Variants in PPL observed in about 807,000 individuals in gnomAD.
PPL encodes the protein periplakin, also known as 190 kDa paraneoplastic pemphigus antigen.
In PPL, 198 loss-of-function variants were observed where a neutral mutation model predicts 194.4. That is an observed-to-expected ratio of 1.02 (90% CI 0.91 to 1.15). The LOEUF is 1.15. PPL is among the 50% of genes most tolerant of loss of function. The pLI is 0.00. For synonymous variants in PPL, 1,220 were observed against 972.4 expected, an observed-to-expected ratio of 1.25 and a Z score of -4.74; for missense variants, 2,885 against 2,294.8, an observed-to-expected ratio of 1.26 and a Z score of -5.25.
chr16:4,924,646 AAAC>A (rs1419920561), intron 1 of PPL, among the ~76,000 whole-genome samples: 5 of 152,022 alleles, frequency 3.3e-5, no homozygotes, highest in South Asian at 2.1e-4. Flanking sequence ...CCTGACTCCA[AAAC>A]AACCTGGGGC....
In PPL at chr16:4,883,990, G is replaced by A; in HGVS notation, c.4665C>T (p.Ser1555=). ...SELEFHNSKS[S]KELDFLREEN... ...CTTCCCTCAGAAAGTCTAGTTCCTT[G>A]GATGACTTGGAGTTATGGAATTCCA... Residue 1555 remains serine, a synonymous_variant, in exon 22 of 22, where the codon TCC becomes TCT. Transcript: ENST00000345988. The surrounding 1 kb of genome is among the most constrained non-coding windows in gnomAD (Gnocchi z 4.8). 1 of 1,614,048 alleles carries A rather than the reference G, an allele frequency of 6.2e-7. No individual in the cohort carries two copies. Among genetic ancestry groups the A allele is most frequent in the Non-Finnish European group, 8.5e-7 (1 of 1,180,024 alleles).
At chr16:4,897,614 C>A (rs896375925) in intron 9 of PPL, 61 bp downstream of exon 9, 24 of 1,369,446 alleles carry the variant, frequency 1.8e-5, no homozygotes, top group Non-Finnish European at 2.4e-5. Context: ...CAGGTAGGCA[C>A]TGAGCGCTCT....
intron 14 of PPL, among the ~76,000 whole-genome samples, chr16:4,892,418 G>A (rs1415347427): frequency 6.6e-6 from 1 of 152,246 alleles, no homozygotes; most frequent in Non-Finnish European, 1.5e-5. Context: ...CCGCTGAGGT[G>A]GAATGGACTA....
intron 20 of PPL, among the ~76,000 whole-genome samples, 156 bp downstream of exon 20, chr16:4,887,946 A>G (rs1056438617): frequency 1.4e-4 from 22 of 152,032 alleles, no homozygotes; most frequent in African/African-American, 5.3e-4. Flanking sequence ...CAAGTTCCTC[A>G]TCTCTTACCA....
chr16:4,883,324 G>A lies in PPL; in HGVS notation c.*60C>T. 2 of 1,603,038 alleles carry A rather than the reference G, an allele frequency of 1.2e-6. No homozygotes were observed. Among genetic ancestry groups the A allele is most frequent in the Non-Finnish European group, 1.7e-6 (2 of 1,177,470 alleles). ...CAAGGGAGAGGACGACACCAAGGAG[G>A]TCACTGCGTCGTAGGAGAGGGCCAG... On this transcript the variant is annotated 3_prime_UTR_variant, in exon 22 of 22. Coordinates refer to ENST00000345988, the MANE Select transcript of PPL (RefSeq NM_002705.5). This position sits in a 1 kb window ranked among gnomAD's most constrained non-coding sequence, Gnocchi z 4.8.
At chr16:4,900,798 C>T in intron 6 of PPL, 32 bp downstream of exon 6, 2 of 1,613,998 alleles carry the variant, frequency 1.2e-6, no homozygotes, top group Non-Finnish European at 1.7e-6. Flanking sequence ...TCTCCTCTCC[C>T]CATGAGGCCT....
chr16:4,907,091 A>G (rs1465703383), intron 2 of PPL, among the ~76,000 whole-genome samples: 1 of 150,510 alleles, frequency 6.6e-6, no homozygotes, highest in East Asian at 1.9e-4. Flanking sequence ...AAAAAAAAAA[A>G]AAAAAAAAAA....
Position 4,919,612 on chromosome 16 carries a change from G to A in PPL, c.63-8663C>T, listed in dbSNP as rs541853358. Among the ~76,000 whole-genome samples the A allele has an allele frequency of 1.6e-4, 24 of 152,172 alleles. 1 individual carries two copies. In the South Asian group the frequency reaches 4.1e-3, roughly 26 times the overall value. On this transcript the variant is annotated intron_variant, in intron 1 of 21. Transcript: ENST00000345988. Reference sequence around the variant, plus strand: ...CTCAGTTTCATCATCTGTGAAATGTGAGCAAGAAATCCTCTCTAGTTATGT... The same window carrying A: ...CTCAGTTTCATCATCTGTGAAATGTAAGCAAGAAATCCTCTCTAGTTATGT...
chr16:4,928,523 G>A (rs2089187776), intron 1 of PPL, among the ~76,000 whole-genome samples: 1 of 152,262 alleles, frequency 6.6e-6, no homozygotes, highest in Non-Finnish European at 1.5e-5. Flanking sequence ...AGGGCTGTGG[G>A]AGAAATAGAA....
At chr16:4,923,554 G>C (rs566538438) in intron 1 of PPL, among the ~76,000 whole-genome samples, 7 of 152,340 alleles carry the variant, frequency 4.6e-5, no homozygotes, top group Non-Finnish European at 8.8e-5. Flanking sequence ...GTCTTCAGCT[G>C]TACCTGTTCA....
At chr16:4,907,308 TCACACACACACACA>T (rs56210938) in intron 2 of PPL, among the ~76,000 whole-genome samples, 82,577 of 145,662 alleles carry the variant, frequency 0.57, 26,222 homozygotes, top group East Asian at 0.7. Context: ...ATATCTAATC[TCACACACACACACA>T]CACACACACA....
intron 16 of PPL, chr16:4,891,582 C>G (rs1172893625): frequency 1.9e-6 from 1 of 518,530 alleles, no homozygotes; most frequent in Non-Finnish European, 3.4e-6. Context: ...CTGGCTATTG[C>G]AGATATTTGA....
chr16:4,904,190 C>G (rs1029319660), intron 2 of PPL, 150 bp from the exon 3 acceptor site: 2 of 815,776 alleles, frequency 2.5e-6, no homozygotes, highest in African/African-American at 3.4e-5. Flanking sequence ...GGAGCGCAGT[C>G]GGTAGTTCCA....
chr16:4,936,818 A>G (rs1368755025), intron 1 of PPL, among the ~76,000 whole-genome samples, 166 bp downstream of exon 1: 1 of 152,044 alleles, frequency 6.6e-6, no homozygotes, highest in Non-Finnish European at 1.5e-5. Context: ...TCCCAGCTTC[A>G]GGGTGGCCTC....
At chr16:4,933,362 C>A (rs2089250170) in intron 1 of PPL, among the ~76,000 whole-genome samples, 1 of 152,092 alleles carries the variant, frequency 6.6e-6, no homozygotes, top group Non-Finnish European at 1.5e-5. Flanking sequence ...TTTACTGGGA[C>A]CCAGGTCTGG....
At chr16:4,886,182 G>T in intron 21 of PPL, 135 bp from the exon 22 acceptor site, 1 of 1,088,596 alleles carries the variant, frequency 9.2e-7, no homozygotes, top group Non-Finnish European at 1.3e-6. Flanking sequence ...TAGTTGTAGA[G>T]TTCTAGGGTT....
intron 1 of PPL, among the ~76,000 whole-genome samples, chr16:4,932,011 C>T (rs940203635): frequency 4.6e-5 from 7 of 152,138 alleles, no homozygotes; most frequent in Non-Finnish European, 1.0e-4. Flanking sequence ...GCACAAACAC[C>T]AATGACTCTA....
At chr16:4,923,801 C>T (rs530661310) in intron 1 of PPL, among the ~76,000 whole-genome samples, 15 of 152,168 alleles carry the variant, frequency 9.9e-5, no homozygotes, top group African/African-American at 2.6e-4. Flanking sequence ...TAAATGAAAG[C>T]GCTTTGGGTG....
Position 4,895,364 on chromosome 16 carries a change from C to A in PPL, c.1139G>T (p.Gly380Val), listed in dbSNP as rs1487753340. The change falls in exon 11 of 22, where the codon GGG (glycine) becomes GTG (valine). Residue 380 changes from glycine (G) to valine (V), a missense_variant. By Grantham distance (109) the Gly-to-Val change is moderately radical. Coordinates refer to ENST00000345988, the MANE Select transcript of PPL (RefSeq NM_002705.5). ...VLDKYEDVVQGLQKRGQQVVP... is the reference protein window; with the variant it reads ...VLDKYEDVVQVLQKRGQQVVP... ...CACCTGCTGGCCTCGCTTCTGCAGCCCCTGCACCACGTCCTCATACTTGTC... is the reference window on the plus strand; with the variant it reads ...CACCTGCTGGCCTCGCTTCTGCAGCACCTGCACCACGTCCTCATACTTGTC... 1.2e-6 allele frequency: 2 copies of A among 1,613,404 alleles called. No homozygotes were observed. The highest frequency in any genetic ancestry group is 2.2e-5 in the East Asian group (1 of 44,872).
Sources: allele counts gnomAD v4.1 joint callset (sites outside exome capture counted in the v4.1 genomes callset), GRCh38; gene constraint gnomAD v4.1.1; non-coding constraint Gnocchi (gnomAD v3.1); transcripts MANE v1.5; gene names NCBI Gene and HGNC (gene_info 2026-07-23, HGNC 2026-07-21).